Variants in PTPRF observed in about 807,000 individuals in gnomAD.
The protein encoded by PTPRF is protein tyrosine phosphatase receptor type F, also known as receptor-type tyrosine-protein phosphatase F.
In PTPRF, 59 loss-of-function variants were observed where a neutral mutation model predicts 201.8. The observed-to-expected ratio is 0.29, with a 90% confidence interval of 0.24 to 0.36. The LOEUF is 0.36. Among genes scored for constraint, PTPRF ranks in the 10% least tolerant of loss-of-function variants. PTPRF has a pLI of 1.00. For synonymous variants in PTPRF, 1,088 were observed against 1,089.7 expected (o/e 1.00, Z 0.03); for missense variants, 2,132 against 2,690.5 (o/e 0.79, Z 4.59).
At chr1:43,564,037 G>A (rs1645988497) in intron 5 of PTPRF, among the ~76,000 whole-genome samples, 2 of 152,332 alleles carry the variant, frequency 1.3e-5, no homozygotes, top group South Asian at 4.1e-4. Context: ...AAACAGCTCA[G>A]ATTGAAAAAC....
Position 43,606,419 on chromosome 1 carries a change from G to A in PTPRF, c.3663G>A (p.Gln1221=), listed in dbSNP as rs1374400172. 1.9e-6 allele frequency: 3 copies of A among 1,614,178 alleles called. No homozygotes were observed. The highest frequency in any genetic ancestry group is 2.5e-6 in the Non-Finnish European group (3 of 1,180,024). Residue 1221 remains glutamine (Q), a synonymous_variant, in exon 20 of 34, where the codon CAG becomes CAA. Transcript: ENST00000359947. The part of the protein sequence containing the change: ...NRPLSPDLSY[Q]CFVLASLKEP... The stretch of plus-strand genomic sequence containing the variant: ...CCCTGTCTCCGGACTTGAGCTACCA[G>A]TGCTTTGTGCTTGCCTCCTTGAAGG...
At chr1:43,565,790 T>C (rs965127946) in intron 5 of PTPRF, among the ~76,000 whole-genome samples, 13 of 152,098 alleles carry the variant, frequency 8.5e-5, no homozygotes, top group African/African-American at 3.1e-4. Flanking sequence ...GCGCAGAGGC[T>C]CCACCCAGGC....
chr1:43,615,325 A>G (rs1054975889), intron 23 of PTPRF, among the ~76,000 whole-genome samples: 1 of 151,864 alleles, frequency 6.6e-6, no homozygotes, highest in Non-Finnish European at 1.5e-5. Flanking sequence ...CTCCACCCAC[A>G]CTCATCTGTA....
rs1261619328 is a variant in PTPRF at position 43,597,983 on chromosome 1, G to A, written c.2049G>A (p.Trp683Ter). ...GLEKWTEYRVWVRAHTDVGPG... is the reference protein window; with the variant it reads ...GLEKWTEYRV ...AGAAGTGGACGGAGTACCGGGTGTG[G>A]GTGCGGGCACACACAGACGTGGGCC... Residue 683 changes from tryptophan (W) to a stop codon, truncating the protein, a stop_gained, in exon 12 of 34, where the codon TGG (tryptophan) becomes TGA (stop). Coordinates refer to ENST00000359947, the MANE Select transcript of PTPRF (RefSeq NM_002840.5). LOFTEE classifies it high-confidence loss of function. The A allele has an allele frequency of 1.3e-6, 2 of 1,547,456 alleles. No homozygotes were observed. Among genetic ancestry groups the A allele is most frequent in the African/African-American group, 2.7e-5 (2 of 73,342 alleles).
Position 43,622,847 on chromosome 1 carries a change from CA to C in PTPRF, c.*849del, listed in dbSNP as rs909729201. The C allele has an allele frequency of 7.3e-6, 1 of 137,506 alleles. No individual in the cohort carries two copies. The highest frequency in any genetic ancestry group is 2.7e-5 in the African/African-American group (1 of 36,732). The allele number at this position is 137,506 out of a possible 1,614,324, so 8.5% of individuals were successfully genotyped here. The stretch of plus-strand genomic sequence containing the variant: ...ACCATCGTGTTTGCAAAGGTTAAAA[CA>C]AAAACAAAAAACCACAAAAATAAAA... On this transcript the variant is annotated 3_prime_UTR_variant, in exon 34 of 34. Coordinates refer to ENST00000359947, the MANE Select transcript of PTPRF (RefSeq NM_002840.5).
In PTPRF at chr1:43,606,466, T is replaced by C. The variant is rs775452572; in HGVS notation, c.3702+8T>C. ...AAGGAACCCATGGACCAGGTCTGCC[T>C]GAGCCGGCTTGGCTGTCAGCACCCT... On this transcript the variant is annotated splice_region_variant and intron_variant, in intron 20 of 33. Coordinates refer to ENST00000359947, the MANE Select transcript of PTPRF (RefSeq NM_002840.5). 2 of 1,607,136 alleles carry C rather than the reference T, an allele frequency of 1.2e-6. No individual in the cohort carries two copies. Among genetic ancestry groups the C allele is most frequent in the Non-Finnish European group, 1.7e-6 (2 of 1,175,722 alleles).
chr1:43,589,808 C>T (rs1488759371), intron 8 of PTPRF, among the ~76,000 whole-genome samples: 1 of 150,708 alleles, frequency 6.6e-6, no homozygotes. Context: ...GCTACAGTGA[C>T]GCAGTGAGCC....
chr1:43,608,544 T>C (rs921389106), intron 21 of PTPRF, among the ~76,000 whole-genome samples: 2 of 152,184 alleles, frequency 1.3e-5, no homozygotes, highest in African/African-American at 4.8e-5. Flanking sequence ...CCAGTTCAAC[T>C]CTGCAGAGGA....
At chr1:43,539,507 A>G (rs1263427095) in intron 2 of PTPRF, among the ~76,000 whole-genome samples, 1 of 152,176 alleles carries the variant, frequency 6.6e-6, no homozygotes, top group East Asian at 1.9e-4. Context: ...CTGAACTAAC[A>G]AGGCTGTGGA....
chr1:43,548,462 C>T (rs1214093007), intron 3 of PTPRF, among the ~76,000 whole-genome samples: 3 of 152,070 alleles, frequency 2.0e-5, no homozygotes, highest in Non-Finnish European at 2.9e-5. Context: ...CTCTCCCCCT[C>T]GTTCTATGGG....
Position 43,620,175 on chromosome 1 carries a change from A to G in PTPRF, c.5192A>G (p.Asn1731Ser), listed in dbSNP as rs142050471. ...EDFWRMLWEH[N>S]STIIVMLTKL... ...TTCTGGCGCATGCTATGGGAGCACAATTCCACCATCATCGTCATGCTGACC... is the reference window on the plus strand; with the variant it reads ...TTCTGGCGCATGCTATGGGAGCACAGTTCCACCATCATCGTCATGCTGACC... Residue 1731 changes from asparagine to serine, a missense_variant, in exon 30 of 34, where the codon AAT becomes AGT. Asn to Ser is a conservative substitution (Grantham distance 46). This residue lies in a region of PTPRF where 519 missense variants were observed against 659.5 expected (regional missense o/e 0.79). Coordinates refer to ENST00000359947, the MANE Select transcript of PTPRF (RefSeq NM_002840.5). 10 of 1,613,976 alleles carry G rather than the reference A, an allele frequency of 6.2e-6. No homozygotes were observed. The highest frequency in any genetic ancestry group is 7.6e-6 in the Non-Finnish European group (9 of 1,179,992).
At chr1:43,598,522 C>A in intron 12 of PTPRF, 198 bp from the exon 13 acceptor site, 2 of 587,064 alleles carry the variant, frequency 3.4e-6, no homozygotes, top group Non-Finnish European at 5.9e-6. Context: ...GTGGGCAGGG[C>A]CAGTCCTGGG....
rs1016817294 is a variant in PTPRF, at chr1:43,569,871, C to A, written c.568+93C>A. On this transcript the variant is annotated intron_variant, in intron 6 of 33. Coordinates refer to ENST00000359947, the MANE Select transcript of PTPRF (RefSeq NM_002840.5). Reference sequence around the variant, plus strand: ...CAGCCTACTCCCTTGGGCCTGGGCACCTCCAGGGCTGAGCGGAGGGTACCT... The same window carrying A: ...CAGCCTACTCCCTTGGGCCTGGGCAACTCCAGGGCTGAGCGGAGGGTACCT... The A allele has an allele frequency of 6.7e-5, 91 of 1,364,686 alleles. No homozygotes were observed. In the East Asian group the frequency reaches 2.3e-3, roughly 34 times the overall value. 84.5% of individuals were successfully genotyped at this position (1,364,686 alleles called of 1,614,324 possible).
chr1:43,605,761 T>G, intron 19 of PTPRF, 139 bp downstream of exon 19: 1 of 826,596 alleles, frequency 1.2e-6, no homozygotes, highest in Non-Finnish European at 2.0e-6. Flanking sequence ...AGCCCGCCCC[T>G]CTCTGGAGAG....
In PTPRF at chr1:43,569,499, G is replaced by A. The variant is rs561088078; in HGVS notation, c.380-91G>A. 3.0e-5 allele frequency: 41 copies of A among 1,363,812 alleles called. No homozygotes were observed. The East Asian group carries it at 8.3e-4, about 28-fold the overall frequency. The allele number at this position is 1,363,812 out of a possible 1,614,324, so 84.5% of individuals were successfully genotyped here. Reference sequence around the variant, plus strand: ...AGGGGAGGGGAGTCTTGAGGGCCCTGGCCAACCTGCAGTTGGGGAGGTTAC... The same window carrying A: ...AGGGGAGGGGAGTCTTGAGGGCCCTAGCCAACCTGCAGTTGGGGAGGTTAC... On this transcript the variant is annotated intron_variant, in intron 5 of 33. Transcript: ENST00000359947.
At position 43,554,039 on chromosome 1, in the gene PTPRF, A is replaced by C; in HGVS notation, c.379+98A>C. On this transcript the variant is annotated intron_variant, in intron 5 of 33. Transcript: ENST00000359947. This position sits in a 1 kb window ranked among gnomAD's most constrained non-coding sequence, Gnocchi z 4.1. The stretch of plus-strand genomic sequence containing the variant: ...TGTCCTGGGCCCATGTGCATTTGGC[A>C]GAAAGGAGGACTGGCCACCTCGGGG... 6.7e-7 allele frequency: 1 copy of C among 1,500,866 alleles called. No homozygotes were observed. The highest frequency in any genetic ancestry group is 1.3e-5 in the South Asian group (1 of 77,550). The allele number at this position is 1,500,866 out of a possible 1,614,324, so 93.0% of individuals were successfully genotyped here. A position where few individuals can be genotyped will look rare whatever the true frequency, so the allele number is the denominator to read the frequency against.
At chr1:43,597,242 AG>A in intron 11 of PTPRF, among the ~76,000 whole-genome samples, 1 of 152,032 alleles carries the variant, frequency 6.6e-6, no homozygotes, top group Non-Finnish European at 1.5e-5. Flanking sequence ...TATATGTGTG[AG>A]ACTGTGTGTG....
intron 12 of PTPRF, 102 bp from the exon 13 acceptor site, chr1:43,598,618 G>A: frequency 9.1e-7 from 1 of 1,097,300 alleles, no homozygotes; most frequent in Non-Finnish European, 1.3e-6. Context: ...GGCCTTTCCT[G>A]GGGGAGTGGG....
At chr1:43,561,331 C>T (rs1645793073) in intron 5 of PTPRF, among the ~76,000 whole-genome samples, 1 of 152,158 alleles carries the variant, frequency 6.6e-6, no homozygotes, top group African/African-American at 2.4e-5. Context: ...CTTCCCTGCT[C>T]CAAACCTGTA....
Sources: gnomAD v4.1 joint callset for allele counts (sites outside exome capture counted in the v4.1 genomes callset) on GRCh38, gnomAD v4.1.1 for gene constraint, gnomAD v4.1.1 regional missense constraint, Gnocchi (gnomAD v3.1) non-coding constraint, MANE v1.5 for transcripts, NCBI Gene and HGNC (gene_info 2026-07-23, HGNC 2026-07-21) for gene names.